Variants in EYA2 observed in about 807,000 individuals in gnomAD.
EYA2 encodes EYA transcriptional coactivator and phosphatase 2, also known as protein phosphatase EYA2.
In EYA2, 31 loss-of-function variants were observed where a neutral mutation model predicts 69.2. The ratio of observed to expected loss-of-function variants is 0.45; its 90% CI spans 0.34 to 0.60. The LOEUF is 0.60. Among genes scored for constraint, EYA2 ranks in the 20% least tolerant of loss-of-function variants. EYA2 has a pLI of 0.02. For synonymous variants in EYA2, 257 were observed against 279.4 expected, an observed-to-expected ratio of 0.92 and a Z score of 0.80; for missense variants, 622 against 701.2, an observed-to-expected ratio of 0.89 and a Z score of 1.28.
intron 9 of EYA2, among the ~76,000 whole-genome samples, chr20:47,132,854 G>A (rs3787247): frequency 0.022 from 3,300 of 152,224 alleles, 109 homozygotes; most frequent in East Asian, 0.089. Flanking sequence ...CCTTGGGGTG[G>A]GGGTAGCAAG....
chr20:47,013,313 G>A (rs533250416), intron 4 of EYA2, among the ~76,000 whole-genome samples: 2 of 152,312 alleles, frequency 1.3e-5, no homozygotes, highest in South Asian at 4.1e-4. Context: ...GACCTTTCTA[G>A]GGAAACAACA....
intron 12 of EYA2, among the ~76,000 whole-genome samples, chr20:47,173,467 T>G (rs1364420980): frequency 1.6e-5 from 2 of 122,036 alleles, no homozygotes; most frequent in Non-Finnish European, 3.1e-5. Flanking sequence ...GACCCAAGAT[T>G]ACACCACTGC....
intron 1 of EYA2, chr20:46,901,439 A>G (rs1479940527): frequency 6.6e-6 from 1 of 152,156 alleles, no homozygotes; most frequent in African/African-American, 2.4e-5. Flanking sequence ...TTAAATCTCT[A>G]TTGATTGGCA....
At position 47,005,028 on chromosome 20, in the gene EYA2, C is replaced by G. The variant is rs747315633; in HGVS notation, c.242C>G (p.Ala81Gly). 1.2e-6 allele frequency: 2 copies of G among 1,614,004 alleles called. No homozygotes were observed. The highest frequency in any genetic ancestry group is 2.2e-5 in the South Asian group (2 of 91,076). Reference protein sequence around the residue: ...QTQYSAGIQQATPYTAYPPPA... With the variant: ...QTQYSAGIQQGTPYTAYPPPA... ...CAGTACAGTGCGGGGATCCAGCAGG[C>G]TACCCCCTATACAGCTTACCCACCT... The change falls in exon 4 of 16, where the codon GCT becomes GGT. Residue 81 changes from alanine (A) to glycine (G), a missense_variant. Transcript: ENST00000327619.
At chr20:46,987,964 C>CTCTCTCTCTCTCTATATATA (rs1555809797) in intron 1 of EYA2, among the ~76,000 whole-genome samples, 3 of 11,274 alleles carry the variant, frequency 2.7e-4, no homozygotes, top group Non-Finnish European at 3.4e-4. Context: ...CTCTCTCTCT[C>CTCTCTCTCTCTCTATATATA]TATATATATA....
intron 1 of EYA2, among the ~76,000 whole-genome samples, chr20:46,913,553 G>A (rs1209526637): frequency 6.7e-6 from 1 of 150,222 alleles, no homozygotes; most frequent in East Asian, 1.9e-4. Flanking sequence ...GGGTCAGAGG[G>A]TGGGGCAGGA....
At chr20:47,125,904 G>A (rs1250898082) in intron 9 of EYA2, among the ~76,000 whole-genome samples, 1 of 152,114 alleles carries the variant, frequency 6.6e-6, no homozygotes, top group Admixed American at 6.5e-5. Flanking sequence ...CTTTAAAAGA[G>A]AGAGGGGAGG....
chr20:47,130,261 CTTTTTTTTT>C (rs74178703), intron 9 of EYA2, among the ~76,000 whole-genome samples: 2 of 81,260 alleles, frequency 2.5e-5, no homozygotes, highest in African/African-American at 5.8e-5. Context: ...GGTTTATTTT[CTTTTTTTTT>C]TTTTTTTTTT....
intron 9 of EYA2, among the ~76,000 whole-genome samples, chr20:47,106,570 G>A (rs997712294): frequency 4.6e-5 from 7 of 152,050 alleles, no homozygotes; most frequent in East Asian, 1.9e-4. Context: ...GTCCACTTAC[G>A]ACACTGCTGA....
chr20:46,934,473 A>C (rs1429948129), intron 1 of EYA2, among the ~76,000 whole-genome samples: 1 of 152,160 alleles, frequency 6.6e-6, no homozygotes, highest in Non-Finnish European at 1.5e-5. Flanking sequence ...GGATTGACTC[A>C]AACTAGCCCA....
chr20:46,913,251 A>G (rs1984740739), intron 1 of EYA2, among the ~76,000 whole-genome samples: 3 of 152,160 alleles, frequency 2.0e-5, no homozygotes, highest in South Asian at 2.1e-4. Flanking sequence ...CCCTGAAACT[A>G]TCTGGCAGAA....
intron 10 of EYA2, among the ~76,000 whole-genome samples, chr20:47,168,372 G>A (rs1439124927): frequency 6.6e-6 from 1 of 151,934 alleles, no homozygotes; most frequent in African/African-American, 2.4e-5. Flanking sequence ...GTGTATTTTA[G>A]TAGAGACAGG....
At chr20:47,172,643 C>T in intron 11 of EYA2, 64 bp from the exon 12 acceptor site, 2 of 1,514,080 alleles carry the variant, frequency 1.3e-6, no homozygotes, top group Non-Finnish European at 1.8e-6. Context: ...AGCCTGTGGT[C>T]TCCCAGGGAA....
At chr20:46,997,307 A>G (rs1055483685) in intron 2 of EYA2, among the ~76,000 whole-genome samples, 1 of 152,222 alleles carries the variant, frequency 6.6e-6, no homozygotes, top group Non-Finnish European at 1.5e-5. Flanking sequence ...CCCATGCTTC[A>G]GTCACCTCCC....
At chr20:47,058,372 A>C (rs932247842) in intron 5 of EYA2, among the ~76,000 whole-genome samples, 6 of 152,246 alleles carry the variant, frequency 3.9e-5, no homozygotes, top group Non-Finnish European at 5.9e-5. Context: ...AGGTCTGTGC[A>C]ACCTTGGGAC....
At chr20:46,901,893 G>C (rs1021859398) in intron 1 of EYA2, among the ~76,000 whole-genome samples, 3 of 152,208 alleles carry the variant, frequency 2.0e-5, no homozygotes, top group African/African-American at 7.2e-5. Flanking sequence ...TTCACCTCCG[G>C]TCTGCGATGG....
intron 1 of EYA2, among the ~76,000 whole-genome samples, chr20:46,972,318 A>T (rs1248113908): frequency 6.6e-6 from 1 of 151,346 alleles, no homozygotes; most frequent in Non-Finnish European, 1.5e-5. Context: ...ATATTAGGTC[A>T]TTTGGGTATT....
At chr20:46,986,791 C>G (rs1289691400) in intron 1 of EYA2, among the ~76,000 whole-genome samples, 1 of 152,100 alleles carries the variant, frequency 6.6e-6, no homozygotes, top group Non-Finnish European at 1.5e-5. Flanking sequence ...AACAAGAACT[C>G]ACTCATACCA....
At chr20:46,950,119 C>T (rs1978707577) in intron 1 of EYA2, among the ~76,000 whole-genome samples, 1 of 152,190 alleles carries the variant, frequency 6.6e-6, no homozygotes, top group South Asian at 2.1e-4. Flanking sequence ...GCCATCAATC[C>T]AGGCTCGTTT....
Sources: allele counts gnomAD v4.1 joint callset (sites outside exome capture counted in the v4.1 genomes callset), GRCh38; gene constraint gnomAD v4.1.1; transcripts MANE v1.5; gene names NCBI Gene and HGNC (gene_info 2026-07-23, HGNC 2026-07-21).